The following EYS variants were observed in gnomAD, a reference collection of about 807,000 sequenced individuals.
The protein encoded by EYS is protein eyes shut homolog.
A neutral mutation model predicts 282.1 loss-of-function variants in EYS; 250 were observed. The observed-to-expected ratio is 0.89, with a 90% CI of 0.80 to 0.98. The LOEUF (loss-of-function observed/expected upper bound fraction) is 0.98. EYS is among the 50% of genes least tolerant of loss of function. The pLI is 0.00. For synonymous variants in EYS, 1,355 were observed against 1,282.9 expected, an observed-to-expected ratio of 1.06 and a Z score of -1.20; for missense variants, 4,016 against 3,709.0, an observed-to-expected ratio of 1.08 and a Z score of -2.15.
At chr6:64,985,327 A>C (rs968540640) in intron 14 of EYS, among the ~76,000 whole-genome samples, 45 of 151,562 alleles carry the variant, frequency 3.0e-4, no homozygotes, top group African/African-American at 1.1e-3. Context: ...GAAGTAGCAA[A>C]TTATTTGGGG....
In EYS at chr6:65,179,980, T is replaced by G. The variant is rs142221903; in HGVS notation, c.2023+115883A>C. ...CCGTATGATTATCTCAATAGATGCA[T>G]AAAAGGCCTTTGACAAAATTCAACA... On this transcript the variant is annotated intron_variant, in intron 12 of 42. Transcript: ENST00000503581. Among the ~76,000 whole-genome samples the G allele has an allele frequency of 8.1e-3, 1,234 of 152,046 alleles. 9 individuals carry two copies. The highest frequency in any genetic ancestry group is 0.028 in the African/African-American group (1,176 of 41,492).
At chr6:64,150,349 G>A (rs1194935256) in intron 31 of EYS, among the ~76,000 whole-genome samples, 1 of 152,182 alleles carries the variant, frequency 6.6e-6, no homozygotes, top group Non-Finnish European at 1.5e-5. Flanking sequence ...CTTATGAATT[G>A]TTCCTTCAAG....
chr6:64,335,632 A>G (rs1186429255), intron 29 of EYS, among the ~76,000 whole-genome samples: 2 of 152,056 alleles, frequency 1.3e-5, no homozygotes, highest in Non-Finnish European at 2.9e-5. Context: ...AATTCTCCCG[A>G]ACCTTTTTCA....
chr6:65,400,126 A>G (rs539592023), intron 7 of EYS, among the ~76,000 whole-genome samples: 1 of 152,204 alleles, frequency 6.6e-6, no homozygotes, highest in East Asian at 1.9e-4. Flanking sequence ...GGGGTAAAAA[A>G]GTTATTTCAC....
intron 2 of EYS, among the ~76,000 whole-genome samples, chr6:65,581,311 A>T (rs1764861152): frequency 6.6e-6 from 1 of 152,164 alleles, no homozygotes; most frequent in African/African-American, 2.4e-5. Flanking sequence ...TGGAGGAGAG[A>T]CATGAAAGAA....
rs150526619 is a variant in EYS, at chr6:65,412,872, A to G, written c.863-7505T>C. ...TTTTTCTTTTATGAGTTGTGCTTTT[A>G]GTGCCATATCTAAGAGCTCTTGCAG... On this transcript the variant is annotated intron_variant, in intron 5 of 42. Transcript: ENST00000503581. Among the ~76,000 whole-genome samples, 151 of 152,238 alleles carry G rather than the reference A, an allele frequency of 9.9e-4. 1 individual carries two copies. The Middle Eastern group carries it at 0.01, about 10-fold the overall frequency.
chr6:65,093,743 TAA>T (rs1388629860), intron 12 of EYS, among the ~76,000 whole-genome samples: 1 of 151,856 alleles, frequency 6.6e-6, no homozygotes, highest in African/African-American at 2.4e-5. Flanking sequence ...AGATAGAATA[TAA>T]GTTTTTAAAA....
intron 36 of EYS, among the ~76,000 whole-genome samples, chr6:63,842,689 A>G (rs1242918355): frequency 2.0e-5 from 3 of 152,164 alleles, no homozygotes; most frequent in African/African-American, 7.2e-5. Context: ...GCCCATGCCT[A>G]TGTCCTGAAT....
At chr6:64,322,971 A>G (rs1467787618) in intron 29 of EYS, among the ~76,000 whole-genome samples, 1 of 152,096 alleles carries the variant, frequency 6.6e-6, no homozygotes, top group Non-Finnish European at 1.5e-5. Flanking sequence ...ATCCTCAGAC[A>G]TTCACACACA....
At chr6:65,273,933 A>C (rs549183093) in intron 12 of EYS, among the ~76,000 whole-genome samples, 1 of 152,264 alleles carries the variant, frequency 6.6e-6, no homozygotes, top group African/African-American at 2.4e-5. Flanking sequence ...CCTTTTAAGG[A>C]CTACTGGACA....
At chr6:64,116,935 G>C (rs1773405216) in intron 31 of EYS, among the ~76,000 whole-genome samples, 1 of 152,002 alleles carries the variant, frequency 6.6e-6, no homozygotes, top group South Asian at 2.1e-4. Context: ...CAAAAGATCT[G>C]AGGGAAGAGA....
At chr6:64,281,140 AC>A (rs1768293928) in intron 30 of EYS, among the ~76,000 whole-genome samples, 1 of 152,140 alleles carries the variant, frequency 6.6e-6, no homozygotes, top group African/African-American at 2.4e-5. Context: ...TAATGCCTGG[AC>A]ACTGCAATCC....
chr6:64,294,534 T>C (rs1051233634), intron 30 of EYS, among the ~76,000 whole-genome samples: 2 of 152,172 alleles, frequency 1.3e-5, no homozygotes, highest in African/African-American at 2.4e-5. Flanking sequence ...CTGCATCACA[T>C]GTCGTCTTCC....
At chr6:65,270,858 T>C (rs1767880216) in intron 12 of EYS, among the ~76,000 whole-genome samples, 1 of 151,844 alleles carries the variant, frequency 6.6e-6, no homozygotes, top group South Asian at 2.1e-4. Flanking sequence ...ATGGCAGCCA[T>C]AATGCAGTGT....
rs1352688696 is a variant in EYS at position 64,591,667 on chromosome 6, T to G, written c.4200A>C (p.Ser1400=). The change falls in exon 26 of 43, where the codon TCA becomes TCC. Residue 1400 remains serine (S), a synonymous_variant. Transcript: ENST00000503581. ...RTPFIMSSLM[S]DFIFPTQSLL... is the part of the protein sequence containing the mutation. ...AAGATTGTGTAGGAAAAATAAAATC[T>G]GACATTAAGGAAGACATGATAAATG... The G allele has an allele frequency of 4.5e-6, 7 of 1,551,132 alleles. No individual in the cohort carries two copies. The highest frequency in any genetic ancestry group is 5.2e-6 in the Non-Finnish European group (6 of 1,146,734).
At chr6:64,737,011 T>G (rs75884886) in intron 22 of EYS, among the ~76,000 whole-genome samples, 3,718 of 152,294 alleles carry the variant, frequency 0.024, 156 homozygotes, top group African/African-American at 0.081. Flanking sequence ...TAGTATAGTT[T>G]GCCTTTCAAA....
intron 29 of EYS, among the ~76,000 whole-genome samples, chr6:64,318,803 T>C (rs1192210051): frequency 6.6e-6 from 1 of 151,806 alleles, no homozygotes; most frequent in East Asian, 1.9e-4. Flanking sequence ...GTATAGATAT[T>C]TGTGGGGTAT....
intron 12 of EYS, among the ~76,000 whole-genome samples, chr6:65,264,285 A>G (rs1272807379): frequency 6.6e-6 from 1 of 152,148 alleles, no homozygotes; most frequent in Non-Finnish European, 1.5e-5. Flanking sequence ...AAGTGTACTA[A>G]TAAGTGCTAA....
At chr6:63,951,995 A>G (rs1392894554) in intron 35 of EYS, among the ~76,000 whole-genome samples, 1 of 152,204 alleles carries the variant, frequency 6.6e-6, no homozygotes, top group Admixed American at 6.5e-5. Flanking sequence ...CCAGCCCTCA[A>G]ACCCCACAAA....
Sources: allele counts gnomAD v4.1 joint callset (sites outside exome capture counted in the v4.1 genomes callset), GRCh38; gene constraint gnomAD v4.1.1; transcripts MANE v1.5; gene names NCBI Gene and HGNC (gene_info 2026-07-23, HGNC 2026-07-21).